The following PREP variants were observed in gnomAD, a reference collection of about 807,000 sequenced individuals.
PREP encodes dJ355L5.1 (prolyl endopeptidase).
A neutral mutation model predicts 87.6 loss-of-function variants in PREP; 29 were observed. The observed-to-expected ratio is 0.33, with a 90% CI of 0.25 to 0.45. The LOEUF (loss-of-function observed/expected upper bound fraction) is 0.45, where lower values mean the gene tolerates loss of function less well. Ranked by LOEUF, PREP falls within the 20% of genes least tolerant of loss-of-function variation. The probability of loss-of-function intolerance (pLI) is 1.00; values close to 1 mark genes in which losing one functional copy is unlikely to be tolerated. For missense variants in PREP, 695 were observed against 886.5 expected (o/e 0.78, Z 2.74); for synonymous variants, 337 against 328.6 (o/e 1.03, Z -0.28).
intron 10 of PREP, among the ~76,000 whole-genome samples, chr6:105,320,461 G>A (rs781156317): frequency 6.6e-6 from 1 of 152,090 alleles, no homozygotes; most frequent in African/African-American, 2.4e-5. Flanking sequence ...GGGTCTTAAG[G>A]GAATATATTA....
intron 10 of PREP, among the ~76,000 whole-genome samples, chr6:105,301,190 T>G (rs111825934): frequency 0.015 from 2,346 of 152,344 alleles, 35 homozygotes; most frequent in Middle Eastern, 0.034. Flanking sequence ...GAAGAATGTC[T>G]GGTGATAGCA....
chr6:105,352,588 C>T (rs1177792291), intron 7 of PREP, among the ~76,000 whole-genome samples: 1 of 152,174 alleles, frequency 6.6e-6, no homozygotes, highest in Non-Finnish European at 1.5e-5. Context: ...TGGCCCCAAG[C>T]TGTCTTCCTG....
chr6:105,314,364 A>G (rs1197360961), intron 10 of PREP, among the ~76,000 whole-genome samples: 1 of 152,202 alleles, frequency 6.6e-6, no homozygotes, highest in African/African-American at 2.4e-5. Context: ...TGTAACATGC[A>G]ATGCTGTTTG....
At chr6:105,305,372 G>T (rs538786756) in intron 10 of PREP, among the ~76,000 whole-genome samples, 7 of 152,238 alleles carry the variant, frequency 4.6e-5, no homozygotes, top group Non-Finnish European at 8.8e-5. Flanking sequence ...GCTGAGTGTG[G>T]CCCCGAATTA....
rs547831926 is a variant in PREP, at chr6:105,376,324, C to T, written c.255-69G>A. 3.6e-5 allele frequency: 55 copies of T among 1,534,194 alleles called. No homozygotes were observed. The South Asian group carries it at 6.0e-4, about 17-fold the overall frequency. On this transcript the variant is annotated intron_variant, in intron 3 of 14. Coordinates refer to ENST00000652536, the MANE Select transcript of PREP (RefSeq NM_002726.5). ...TTTGTGGAGTAAAACCAAACACACA[C>T]AAGCAAAAACCAAAACAAAACCAAA...
At chr6:105,332,548 T>C (rs2114657858) in intron 8 of PREP, among the ~76,000 whole-genome samples, 1 of 152,268 alleles carries the variant, frequency 6.6e-6, no homozygotes, top group Non-Finnish European at 1.5e-5. Context: ...AATGGTCCTA[T>C]TTTATCCTCA....
At chr6:105,388,712 T>A (rs1462003623) in intron 2 of PREP, among the ~76,000 whole-genome samples, 2 of 152,214 alleles carry the variant, frequency 1.3e-5, no homozygotes, top group East Asian at 3.8e-4. Context: ...TCTTAGAGAC[T>A]GAGATAATAT....
At chr6:105,340,013 C>A (rs1395043427) in intron 7 of PREP, among the ~76,000 whole-genome samples, 1 of 151,992 alleles carries the variant, frequency 6.6e-6, no homozygotes, top group Non-Finnish European at 1.5e-5. Flanking sequence ...CAAGGCAGGC[C>A]AACATTCAAA....
At chr6:105,307,116 G>A (rs1025938143) in intron 10 of PREP, among the ~76,000 whole-genome samples, 3 of 152,124 alleles carry the variant, frequency 2.0e-5, no homozygotes, top group South Asian at 4.1e-4. Context: ...ATGAGACTCT[G>A]GGATCATTAC....
intron 6 of PREP, among the ~76,000 whole-genome samples, chr6:105,355,553 C>A (rs769507539): frequency 6.6e-6 from 1 of 152,140 alleles, no homozygotes; most frequent in African/African-American, 2.4e-5. Flanking sequence ...GCTTTCTGAA[C>A]GTTGATTATT....
intron 2 of PREP, among the ~76,000 whole-genome samples, chr6:105,380,101 C>G (rs886991656): frequency 5.3e-5 from 8 of 152,192 alleles, no homozygotes; most frequent in Non-Finnish European, 1.2e-4. Context: ...AATTTACAAA[C>G]CAGCCATTCC....
intron 1 of PREP, among the ~76,000 whole-genome samples, chr6:105,401,614 G>T (rs1057241860): frequency 7.7e-6 from 1 of 129,828 alleles, no homozygotes; most frequent in Non-Finnish European, 1.5e-5. Context: ...ATATTCAAAG[G>T]AAACAACCTT....
chr6:105,308,818 G>A (rs1373835154), intron 10 of PREP, among the ~76,000 whole-genome samples: 3 of 152,154 alleles, frequency 2.0e-5, no homozygotes, highest in African/African-American at 4.8e-5. Flanking sequence ...ACATTCTAAA[G>A]GGGAGACAGA....
intron 7 of PREP, 47 bp downstream of exon 7, chr6:105,352,925 A>G: frequency 6.7e-7 from 1 of 1,491,318 alleles, no homozygotes; most frequent in Non-Finnish European, 9.3e-7. Flanking sequence ...ATACTTTTTA[A>G]ATGAAGTTTC....
intron 1 of PREP, 61 bp downstream of exon 1, chr6:105,402,786 G>C: frequency 2.8e-6 from 4 of 1,446,484 alleles, no homozygotes; most frequent in South Asian, 1.3e-5. Flanking sequence ...CGGGTGCCAC[G>C]GGTCAGGCAG....
intron 10 of PREP, among the ~76,000 whole-genome samples, chr6:105,301,868 C>T (rs1040250911): frequency 3.3e-5 from 5 of 152,136 alleles, no homozygotes; most frequent in South Asian, 2.1e-4. Context: ...TGGAATAATA[C>T]GCCTTTTCCC....
intron 6 of PREP, 48 bp downstream of exon 6, chr6:105,368,855 T>A (rs1772462598): frequency 6.2e-7 from 1 of 1,603,828 alleles, no homozygotes; most frequent in African/African-American, 1.3e-5. Flanking sequence ...TATACACACA[T>A]CCATGAAACA....
intron 11 of PREP, among the ~76,000 whole-genome samples, chr6:105,287,363 A>G (rs1770209471): frequency 6.6e-6 from 1 of 152,160 alleles, no homozygotes; most frequent in African/African-American, 2.4e-5. Flanking sequence ...TTTTCTAACT[A>G]GTTTCCCTTC....
At chr6:105,309,009 A>AAG (rs1295663412) in intron 10 of PREP, among the ~76,000 whole-genome samples, 2 of 152,122 alleles carry the variant, frequency 1.3e-5, no homozygotes, top group African/African-American at 4.8e-5. Flanking sequence ...CAGTCCAGGC[A>AAG]GAGGGGAGGG....
Sources: gnomAD v4.1 joint callset for allele counts (sites outside exome capture counted in the v4.1 genomes callset) on GRCh38, gnomAD v4.1.1 for gene constraint, MANE v1.5 for transcripts, NCBI Gene and HGNC (gene_info 2026-07-23, HGNC 2026-07-21) for gene names.